PPP2R5E: variants seen among roughly 807,000 people sequenced by gnomAD.
PPP2R5E encodes protein phosphatase 2 regulatory subunit B'epsilon, also known as serine/threonine-protein phosphatase 2A 56 kDa regulatory subunit epsilon isoform.
Under a neutral mutation model 65.3 loss-of-function variants are expected in PPP2R5E, and 4 were observed. The ratio of observed to expected loss-of-function variants is 0.06; its 90% CI spans 0.03 to 0.14. The LOEUF (loss-of-function observed/expected upper bound fraction) is 0.14, where lower values mean the gene tolerates loss of function less well. PPP2R5E is among the 10% of genes least tolerant of loss of function. The pLI, the probability that PPP2R5E is intolerant of heterozygous loss-of-function variation, is 1.00. For synonymous variants in PPP2R5E, 183 were observed against 187.4 expected (o/e 0.98, Z 0.19); for missense variants, 274 against 556.1 (o/e 0.49, Z 5.10).
At chr14:63,399,380 T>TC in intron 5 of PPP2R5E, among the ~76,000 whole-genome samples, 2 of 124,262 alleles carry the variant, frequency 1.6e-5, no homozygotes, top group South Asian at 5.8e-4. Context: ...TTTTTTTTTT[T>TC]TTTTTTTTTT....
intron 3 of PPP2R5E, among the ~76,000 whole-genome samples, chr14:63,441,095 C>A: frequency 6.6e-6 from 1 of 152,118 alleles, no homozygotes. Flanking sequence ...TTAGATACTA[C>A]CTATGTCACA....
intron 1 of PPP2R5E, among the ~76,000 whole-genome samples, chr14:63,541,246 G>A (rs1893892898): frequency 6.6e-6 from 1 of 152,152 alleles, no homozygotes; most frequent in Non-Finnish European, 1.5e-5. Context: ...TTTGAATGAA[G>A]CCACCTTACG....
At chr14:63,516,330 A>G (rs1892670936) in intron 2 of PPP2R5E, among the ~76,000 whole-genome samples, 1 of 152,216 alleles carries the variant, frequency 6.6e-6, no homozygotes, top group South Asian at 2.1e-4. Context: ...AAGAAAAAGA[A>G]AAAAATCTAA....
At chr14:63,513,289 C>T (rs986481889) in intron 2 of PPP2R5E, among the ~76,000 whole-genome samples, 15 of 152,128 alleles carry the variant, frequency 9.9e-5, no homozygotes, top group African/African-American at 3.1e-4. Context: ...CACACTGCAT[C>T]GCCCTCAAGT....
At position 63,393,806 on chromosome 14, in the gene PPP2R5E, C is replaced by G. The variant is rs190265853; in HGVS notation, c.849+14G>C. ...TATTTTGCTTCTAAAAGTAGTTGTACAAAATCCTCCTACCTGTGCATGGAA... is the reference window on the plus strand; with the variant it reads ...TATTTTGCTTCTAAAAGTAGTTGTAGAAAATCCTCCTACCTGTGCATGGAA... On this transcript the variant is annotated intron_variant, in intron 8 of 13. Transcript: ENST00000337537. The G allele has an allele frequency of 6.6e-6, 10 of 1,510,988 alleles. No individual in the cohort carries two copies. The highest frequency in any genetic ancestry group is 9.1e-6 in the Non-Finnish European group (10 of 1,098,976). 93.6% of individuals were successfully genotyped at this position (1,510,988 alleles called of 1,614,324 possible). A position where few individuals can be genotyped will look rare whatever the true frequency, so the allele number is the denominator to read the frequency against.
intron 12 of PPP2R5E, among the ~76,000 whole-genome samples, chr14:63,383,034 G>A (rs1205533612): frequency 6.6e-6 from 1 of 152,120 alleles, no homozygotes; most frequent in East Asian, 1.9e-4. Context: ...CACCAGTCCT[G>A]CTGACCCAAA....
At chr14:63,512,188 C>T (rs1469249261) in intron 2 of PPP2R5E, among the ~76,000 whole-genome samples, 1 of 148,824 alleles carries the variant, frequency 6.7e-6, no homozygotes, top group Non-Finnish European at 1.5e-5. Flanking sequence ...TTGAAAATTA[C>T]TAAGTACTTT....
intron 3 of PPP2R5E, chr14:63,452,181 A>G (rs1160215198): frequency 6.6e-6 from 1 of 152,256 alleles, no homozygotes; most frequent in Non-Finnish European, 1.5e-5. Context: ...ATCCATGGGA[A>G]GATACAGAAG....
intron 2 of PPP2R5E, among the ~76,000 whole-genome samples, chr14:63,518,907 TAAAAATAA>T (rs1022337508): frequency 2.9e-4 from 44 of 151,826 alleles, no homozygotes; most frequent in African/African-American, 9.9e-4. Context: ...TTAAAAAAAT[TAAAAATAA>T]AAAAATAAAA....
Position 63,394,324 on chromosome 14 carries a change from A to G in PPP2R5E, c.741-396T>C, listed in dbSNP as rs376235541. ...GGTCTAGAACTCTTAACTGCAAATG[A>G]TCTGCCCACCTTGGCCTCCCAAAGT... On this transcript the variant is annotated intron_variant, in intron 7 of 13. Coordinates refer to ENST00000337537, the MANE Select transcript of PPP2R5E (RefSeq NM_006246.5). Among the ~76,000 whole-genome samples, 44 of 152,222 alleles carry G rather than the reference A, an allele frequency of 2.9e-4. No individual in the cohort carries two copies. In the South Asian group the frequency reaches 8.7e-3, roughly 30 times the overall value.
intron 2 of PPP2R5E, among the ~76,000 whole-genome samples, chr14:63,536,515 G>A (rs529812715): frequency 2.6e-5 from 4 of 152,258 alleles, no homozygotes; most frequent in South Asian, 4.1e-4. Flanking sequence ...GCAATTACAC[G>A]TCTGGGTACA....
At chr14:63,464,610 C>A (rs971485127) in intron 2 of PPP2R5E, among the ~76,000 whole-genome samples, 1 of 152,174 alleles carries the variant, frequency 6.6e-6, no homozygotes, top group Non-Finnish European at 1.5e-5. Flanking sequence ...TTGTGAAACA[C>A]GGTGAGGACT....
chr14:63,420,534 A>G (rs2139880112), intron 4 of PPP2R5E, among the ~76,000 whole-genome samples: 1 of 152,302 alleles, frequency 6.6e-6, no homozygotes, highest in Non-Finnish European at 1.5e-5. Context: ...GCAGGAATAC[A>G]TATGCATAAC....
intron 8 of PPP2R5E, among the ~76,000 whole-genome samples, chr14:63,392,344 G>A (rs887912858): frequency 2.0e-5 from 3 of 152,208 alleles, no homozygotes; most frequent in Non-Finnish European, 4.4e-5. Flanking sequence ...TACACTTTGA[G>A]CTACATCTCA....
At chr14:63,471,984 C>T (rs1413990643) in intron 2 of PPP2R5E, among the ~76,000 whole-genome samples, 1 of 152,128 alleles carries the variant, frequency 6.6e-6, no homozygotes, top group Non-Finnish European at 1.5e-5. Flanking sequence ...CTCCAGCTGG[C>T]CTGTTATTTC....
intron 3 of PPP2R5E, among the ~76,000 whole-genome samples, chr14:63,426,022 T>C (rs1306605935): frequency 6.6e-6 from 1 of 152,210 alleles, no homozygotes; most frequent in Non-Finnish European, 1.5e-5. Flanking sequence ...AGTTTACTTC[T>C]CAACATTCAC....
At chr14:63,439,901 C>A in intron 3 of PPP2R5E, among the ~76,000 whole-genome samples, 1 of 152,188 alleles carries the variant, frequency 6.6e-6, no homozygotes, top group Admixed American at 6.5e-5. Context: ...AGGCACAGTT[C>A]AAATACACAC....
intron 3 of PPP2R5E, among the ~76,000 whole-genome samples, chr14:63,440,633 T>C (rs1040221745): frequency 6.6e-6 from 1 of 151,922 alleles, no homozygotes; most frequent in Non-Finnish European, 1.5e-5. Context: ...CATTATGGCT[T>C]AGCATCTAAG....
chr14:63,412,539 G>A (rs1886447409), intron 5 of PPP2R5E, among the ~76,000 whole-genome samples: 1 of 152,140 alleles, frequency 6.6e-6, no homozygotes, highest in Admixed American at 6.5e-5. Flanking sequence ...GGATACTGAA[G>A]GCTTCAAAAC....
Sources: gnomAD v4.1 joint callset for allele counts (sites outside exome capture counted in the v4.1 genomes callset) on GRCh38, gnomAD v4.1.1 for gene constraint, MANE v1.5 for transcripts, NCBI Gene and HGNC (gene_info 2026-07-23, HGNC 2026-07-21) for gene names.